RAB38: variants seen among roughly 807,000 people sequenced by gnomAD.
The protein encoded by RAB38 is ras-related protein Rab-38.
A neutral mutation model predicts 18.4 loss-of-function variants in RAB38; 15 were observed. The ratio of observed to expected loss-of-function variants is 0.82; its 90% CI spans 0.55 to 1.26. RAB38 has a LOEUF of 1.26. RAB38 is among the 50% of genes most tolerant of loss of function. The probability of loss-of-function intolerance (pLI) is 0.00; values close to 1 mark genes in which losing one functional copy is unlikely to be tolerated. For synonymous variants in RAB38, 101 were observed against 104.4 expected (o/e 0.97, Z 0.20); for missense variants, 294 against 267.4 (o/e 1.10, Z -0.69).
chr11:87,868,995 C>CA, the RAB38 span, among the ~76,000 whole-genome samples: 7 of 151,686 alleles, frequency 4.6e-5, no homozygotes, highest in African/African-American at 7.2e-5. Context: ...GAGATTCCCA[C>CA]AAAAAACAGA....
intron 1 of RAB38, among the ~76,000 whole-genome samples, chr11:88,153,176 T>C (rs539237479): frequency 6.6e-6 from 1 of 152,354 alleles, no homozygotes; most frequent in Admixed American, 6.5e-5. Flanking sequence ...CAGACACATG[T>C]ATTTCTCTCC....
At chr11:88,135,099 AAACAACAAC>A (rs137953672) in intron 2 of RAB38, among the ~76,000 whole-genome samples, 1 of 152,020 alleles carries the variant, frequency 6.6e-6, no homozygotes, top group Admixed American at 6.6e-5. Flanking sequence ...TTTACCTTAA[AAACAACAAC>A]AACAACAAAA....
chr11:87,824,615 A>T, the RAB38 span, among the ~76,000 whole-genome samples: 2 of 152,198 alleles, frequency 1.3e-5, no homozygotes, highest in African/African-American at 2.4e-5. Flanking sequence ...ATTAAGAGAG[A>T]GCTTCTGGAA....
the RAB38 span, among the ~76,000 whole-genome samples, chr11:88,073,781 TAACAC>T: frequency 6.6e-6 from 1 of 151,828 alleles, no homozygotes; most frequent in Non-Finnish European, 1.5e-5. Context: ...ATCTCCAAGA[TAACAC>T]AGAAAAGGAA....
chr11:87,933,367 G>T, the RAB38 span, among the ~76,000 whole-genome samples: 1 of 151,998 alleles, frequency 6.6e-6, no homozygotes, highest in African/African-American at 2.4e-5. Context: ...AGGTAAAGTT[G>T]ATTTCACTCA....
chr11:87,949,898 T>C, the RAB38 span, among the ~76,000 whole-genome samples: 14,166 of 152,234 alleles, frequency 0.093, 1,052 homozygotes, highest in African/African-American at 0.2. Flanking sequence ...TGTAGATGTC[T>C]ATTAGGTCTG....
chr11:87,856,107 C>T, the RAB38 span, among the ~76,000 whole-genome samples: 2 of 152,246 alleles, frequency 1.3e-5, no homozygotes, highest in African/African-American at 2.4e-5. Flanking sequence ...GTGGTAGAGA[C>T]GGTGCTACAA....
chr11:87,965,975 T>G, the RAB38 span, among the ~76,000 whole-genome samples: 1 of 152,178 alleles, frequency 6.6e-6, no homozygotes, highest in Non-Finnish European at 1.5e-5. Context: ...GAAAAGCAAG[T>G]GCCCAGCAAA....
At chr11:88,045,803 T>C in the RAB38 span, among the ~76,000 whole-genome samples, 1 of 152,206 alleles carries the variant, frequency 6.6e-6, no homozygotes. Flanking sequence ...CAAGGGCCTG[T>C]TTCCTTTGCC....
chr11:88,085,207 G>A, the RAB38 span, among the ~76,000 whole-genome samples: 1 of 151,932 alleles, frequency 6.6e-6, no homozygotes, highest in Non-Finnish European at 1.5e-5. Flanking sequence ...CCTGCAGGGT[G>A]AGAACCAACC....
chr11:88,137,384 T>C (rs959923292), intron 2 of RAB38, among the ~76,000 whole-genome samples: 32 of 152,248 alleles, frequency 2.1e-4, no homozygotes, highest in African/African-American at 7.7e-4. Context: ...TTCACAAATA[T>C]AATCAACTAT....
the RAB38 span, among the ~76,000 whole-genome samples, chr11:87,828,169 A>T: frequency 2.2e-4 from 33 of 152,318 alleles, no homozygotes; most frequent in Admixed American, 8.5e-4. Flanking sequence ...AAAAATATTT[A>T]AAAACCATTG....
chr11:88,070,335 C>A, the RAB38 span, among the ~76,000 whole-genome samples: 3 of 152,268 alleles, frequency 2.0e-5, no homozygotes, highest in Middle Eastern at 3.4e-3. Flanking sequence ...ACGAACCCAC[C>A]AGAAGGAAGA....
the RAB38 span, among the ~76,000 whole-genome samples, chr11:87,843,136 A>C: frequency 6.6e-6 from 1 of 152,292 alleles, no homozygotes; most frequent in East Asian, 1.9e-4. Context: ...GTGGGCGCAC[A>C]AACCATGTGT....
chr11:87,941,500 T>C, the RAB38 span, among the ~76,000 whole-genome samples: 2 of 151,852 alleles, frequency 1.3e-5, no homozygotes, highest in African/African-American at 4.8e-5. Context: ...ATGATTTTAC[T>C]AAAATTACCC....
At chr11:87,821,819 C>T in the RAB38 span, among the ~76,000 whole-genome samples, 14 of 150,140 alleles carry the variant, frequency 9.3e-5, no homozygotes, top group Non-Finnish European at 5.9e-5. Flanking sequence ...CCACTTCACT[C>T]CACCCTGGGC....
At chr11:88,049,177 A>C in the RAB38 span, among the ~76,000 whole-genome samples, 1 of 151,982 alleles carries the variant, frequency 6.6e-6, no homozygotes, top group Non-Finnish European at 1.5e-5. Flanking sequence ...CACCGCCCCA[A>C]CACTTCGCTA....
At chr11:88,051,862 G>A in the RAB38 span, among the ~76,000 whole-genome samples, 5 of 152,178 alleles carry the variant, frequency 3.3e-5, no homozygotes, top group African/African-American at 1.2e-4. Flanking sequence ...AGTGGCTCAT[G>A]CCTGTAATCC....
At chr11:87,809,463 A>G in the RAB38 span, among the ~76,000 whole-genome samples, 1 of 152,214 alleles carries the variant, frequency 6.6e-6, no homozygotes, top group Admixed American at 6.5e-5. Flanking sequence ...ACACAAGGCC[A>G]AGTCACGGTC....
Sources: allele counts gnomAD v4.1 joint callset (sites outside exome capture counted in the v4.1 genomes callset), GRCh38; gene constraint gnomAD v4.1.1; transcripts MANE v1.5; gene names NCBI Gene and HGNC (gene_info 2026-07-23, HGNC 2026-07-21).